Variants in KCNIP4 observed in about 807,000 individuals in gnomAD.
KCNIP4 encodes potassium voltage-gated channel interacting protein 4, also known as Kv channel-interacting protein 4.
Under a neutral mutation model 34.0 loss-of-function variants are expected in KCNIP4, and 12 were observed. That is an observed-to-expected ratio of 0.35 (90% CI 0.23 to 0.57). The LOEUF (loss-of-function observed/expected upper bound fraction) is 0.57. KCNIP4 is among the 20% of genes least tolerant of loss of function. KCNIP4 has a pLI of 0.83. For missense variants in KCNIP4, 238 were observed against 311.7 expected (o/e 0.76, Z 1.78); for synonymous variants, 124 against 102.2 (o/e 1.21, Z -1.29).
At chr4:20,813,701 TA>T (rs1303519369) in intron 3 of KCNIP4, among the ~76,000 whole-genome samples, 4 of 152,224 alleles carry the variant, frequency 2.6e-5, no homozygotes, top group African/African-American at 7.2e-5. Context: ...AAGTGCGACA[TA>T]TATATTTTTA....
intron 1 of KCNIP4, among the ~76,000 whole-genome samples, chr4:21,203,788 G>T: frequency 6.6e-6 from 1 of 152,308 alleles, no homozygotes; most frequent in East Asian, 1.9e-4. Context: ...TCATAAACTT[G>T]AATGATACAA....
At position 21,098,114 on chromosome 4, in the gene KCNIP4, C is replaced by A. The variant is rs546854612; in HGVS notation, c.62-215405G>T. Among the ~76,000 whole-genome samples the A allele has an allele frequency of 3.3e-5, 5 of 152,264 alleles. No homozygotes were observed. The East Asian group carries it at 5.8e-4, about 18-fold the overall frequency. On this transcript the variant is annotated intron_variant, in intron 1 of 8. Coordinates refer to ENST00000382152, the MANE Select transcript of KCNIP4 (RefSeq NM_025221.6). The stretch of plus-strand genomic sequence containing the variant: ...CAAAGTCAAATCCAGAATAAAGTGA[C>A]TTTCTTCACTTCTATGAAGGCTAAG...
At chr4:21,719,245 A>G (rs1043030173) in intron 1 of KCNIP4, among the ~76,000 whole-genome samples, 1 of 152,174 alleles carries the variant, frequency 6.6e-6, no homozygotes, top group Non-Finnish European at 1.5e-5. Flanking sequence ...ACCTAATTAT[A>G]TCAGACACCC....
rs1553923853 is a variant in KCNIP4, at chr4:21,714,785, G to GATGT, written c.61+233785_61+233786insACAT. On this transcript the variant is annotated intron_variant, in intron 1 of 8. Transcript: ENST00000382152. ...AAGAATGTGTTAGTAATTTCCCTTTGATTATTTTATTTTATTTTATTTTAT... is the reference window on the plus strand; with the variant it reads ...AAGAATGTGTTAGTAATTTCCCTTTGATGTATTATTTTATTTTATTTTATTTTAT... Among the ~76,000 whole-genome samples, 34 of 43,388 alleles carry GATGT rather than the reference G, an allele frequency of 7.8e-4. 9 individuals are homozygous for GATGT. Among genetic ancestry groups the GATGT allele is most frequent in the Non-Finnish European group, 1.1e-3 (32 of 28,002 alleles). The allele number at this position is 43,388 out of a possible 152,430, so 28.5% of individuals were successfully genotyped here.
intron 1 of KCNIP4, among the ~76,000 whole-genome samples, chr4:21,394,087 CT>C (rs1722771202): frequency 6.6e-6 from 1 of 152,098 alleles, no homozygotes; most frequent in South Asian, 2.1e-4. Flanking sequence ...ACTGTGCAGT[CT>C]TTAGAGAAAA....
At chr4:21,837,623 A>T (rs1723433268) in intron 1 of KCNIP4, among the ~76,000 whole-genome samples, 1 of 151,754 alleles carries the variant, frequency 6.6e-6, no homozygotes, top group South Asian at 2.1e-4. Flanking sequence ...ACAACTACTC[A>T]TTTTTAGGGT....
chr4:21,234,630 A>T (rs1268869129), intron 1 of KCNIP4, among the ~76,000 whole-genome samples: 2 of 144,246 alleles, frequency 1.4e-5, no homozygotes, highest in Admixed American at 7.2e-5. Flanking sequence ...TATATATTAC[A>T]TATAACATAA....
intron 4 of KCNIP4, among the ~76,000 whole-genome samples, chr4:20,750,218 A>G (rs538127047): frequency 1.3e-5 from 2 of 152,336 alleles, no homozygotes; most frequent in South Asian, 2.1e-4. Flanking sequence ...GGTGAAAAAC[A>G]TACCCAAAGT....
chr4:20,880,340 G>A (rs190458571), intron 2 of KCNIP4, among the ~76,000 whole-genome samples: 321 of 152,164 alleles, frequency 2.1e-3, no homozygotes, highest in African/African-American at 7.1e-3. Context: ...AGGAGAAGGC[G>A]AAAAAGGAAG....
chr4:21,338,876 A>T (rs1033212071), intron 1 of KCNIP4, among the ~76,000 whole-genome samples: 1 of 152,168 alleles, frequency 6.6e-6, no homozygotes, highest in African/African-American at 2.4e-5. Flanking sequence ...AACACAAACT[A>T]ATCTGACAAG....
chr4:20,847,341 G>A (rs1578763506), intron 3 of KCNIP4, among the ~76,000 whole-genome samples: 1 of 152,128 alleles, frequency 6.6e-6, no homozygotes, highest in Admixed American at 6.6e-5. Context: ...GATTCTCAAA[G>A]TGTGGGCTCC....
At chr4:21,594,863 A>C (rs1742504812) in intron 1 of KCNIP4, among the ~76,000 whole-genome samples, 1 of 148,980 alleles carries the variant, frequency 6.7e-6, no homozygotes, top group South Asian at 2.2e-4. Context: ...ATTAATATTT[A>C]GAATCAACAT....
At chr4:21,821,080 A>G (rs574561751) in intron 1 of KCNIP4, among the ~76,000 whole-genome samples, 82 of 152,268 alleles carry the variant, frequency 5.4e-4, no homozygotes, top group South Asian at 3.1e-3. Flanking sequence ...TCCTAATAAT[A>G]AAATGCAGTT....
At position 21,271,194 on chromosome 4, in the gene KCNIP4, G is replaced by A. The variant is rs1400546757; in HGVS notation, c.62-388485C>T. Among the ~76,000 whole-genome samples, 8 of 152,076 alleles carry A rather than the reference G, an allele frequency of 5.3e-5. No homozygotes were observed. In the South Asian group the frequency reaches 6.2e-4, roughly 12 times the overall value. On this transcript the variant is annotated intron_variant, in intron 1 of 8. Transcript: ENST00000382152. ...TCTAGTCATATGATTTTTAACACAC[G>A]AAATCTGAGGCATTCAGGGGTCCCT...
At chr4:20,925,183 G>T (rs1206775728) in intron 1 of KCNIP4, among the ~76,000 whole-genome samples, 1 of 152,090 alleles carries the variant, frequency 6.6e-6, no homozygotes, top group Non-Finnish European at 1.5e-5. Flanking sequence ...CTCGGTGAGG[G>T]TATTTGGATG....
chr4:21,006,980 C>T lies in KCNIP4; in HGVS notation c.62-124271G>A, dbSNP rs12108292. On this transcript the variant is annotated intron_variant, in intron 1 of 8. Transcript: ENST00000382152. ...CACTGAAAATACTTCAAGTGAATTT[C>T]CTGGCAGTGCCTGGCTGACTTTCCA... Among the ~76,000 whole-genome samples, 717 of 152,250 alleles carry T rather than the reference C, an allele frequency of 4.7e-3. 10 individuals carry two copies. Among genetic ancestry groups the T allele is most frequent in the African/African-American group, 0.017 (686 of 41,546 alleles).
At chr4:21,549,742 A>T (rs745989622) in intron 1 of KCNIP4, among the ~76,000 whole-genome samples, 9 of 152,058 alleles carry the variant, frequency 5.9e-5, no homozygotes, top group Non-Finnish European at 8.8e-5. Context: ...CAGACAGTAA[A>T]GGGAGCCTGG....
At position 21,647,215 on chromosome 4, in the gene KCNIP4, C is replaced by T. The variant is rs563242165; in HGVS notation, c.61+301356G>A. Among the ~76,000 whole-genome samples the T allele has an allele frequency of 1.2e-3, 178 of 152,048 alleles. 1 individual carries two copies. The highest frequency in any genetic ancestry group is 4.2e-3 in the African/African-American group (173 of 41,468). On this transcript the variant is annotated intron_variant, in intron 1 of 8. Coordinates refer to ENST00000382152, the MANE Select transcript of KCNIP4 (RefSeq NM_025221.6). ...TAGCCACCATACTATATTTATTAAC[C>T]TTACCAGAAAATATAGTACATGCAC...
intron 1 of KCNIP4, among the ~76,000 whole-genome samples, chr4:21,043,646 T>G (rs1296276869): frequency 1.3e-5 from 2 of 152,132 alleles, no homozygotes; most frequent in Non-Finnish European, 2.9e-5. Flanking sequence ...GCCCTGTATT[T>G]GTTTTTTAGA....
Sources: allele counts gnomAD v4.1 joint callset (sites outside exome capture counted in the v4.1 genomes callset), GRCh38; gene constraint gnomAD v4.1.1; transcripts MANE v1.5; gene names NCBI Gene and HGNC (gene_info 2026-07-23, HGNC 2026-07-21).